Variants in GAB4 observed in about 807,000 individuals in gnomAD.
The protein encoded by GAB4 is GRB2 associated binding protein family member 4.
In GAB4, 26 loss-of-function variants were observed where a neutral mutation model predicts 51.3. The observed-to-expected ratio is 0.51, with a 90% CI of 0.37 to 0.70. GAB4 has a LOEUF of 0.70. GAB4 is among the 30% of genes least tolerant of loss of function. GAB4 has a pLI of 0.00. For missense variants in GAB4, 759 were observed against 734.6 expected, an observed-to-expected ratio of 1.03 and a Z score of -0.38; for synonymous variants, 329 against 291.2, an observed-to-expected ratio of 1.13 and a Z score of -1.32.
chr22:16,979,039 A>C (rs528118377), intron 3 of GAB4, among the ~76,000 whole-genome samples: 4 of 152,350 alleles, frequency 2.6e-5, no homozygotes, highest in African/African-American at 9.6e-5. Context: ...TCTCAAAATA[A>C]TAAGAGCTAT....
chr22:17,000,020 TTC>T (rs1166768417), intron 1 of GAB4, among the ~76,000 whole-genome samples: 6 of 152,240 alleles, frequency 3.9e-5, no homozygotes, highest in African/African-American at 1.4e-4. Context: ...TTGTTATCAT[TTC>T]TGTTTTTCTA....
At chr22:16,972,509 G>GCA (rs2060740522) in intron 3 of GAB4, among the ~76,000 whole-genome samples, 1 of 152,212 alleles carries the variant, frequency 6.6e-6, no homozygotes, top group African/African-American at 2.4e-5. Context: ...GGGATCAAGA[G>GCA]CTTCGGAAGG....
rs1243182518 is a variant in GAB4, at chr22:16,983,922, C to T, written c.686+4038G>A. On this transcript the variant is annotated intron_variant, in intron 3 of 9. Coordinates refer to ENST00000400588, the MANE Select transcript of GAB4 (RefSeq NM_001037814.1). ...ACGTTCTTGAATAGCACCTCAAATGCACAGGTAATCAAAGCAAAAACTGAC... is the reference window on the plus strand; with the variant it reads ...ACGTTCTTGAATAGCACCTCAAATGTACAGGTAATCAAAGCAAAAACTGAC... 3.9e-5 allele frequency among the ~76,000 whole-genome samples: 6 copies of T among 152,226 alleles called. No homozygotes were observed. The South Asian group carries it at 1.2e-3, about 31-fold the overall frequency.
At chr22:16,969,255 C>T (rs11704582) in intron 4 of GAB4, among the ~76,000 whole-genome samples, 3,368 of 152,342 alleles carry the variant, frequency 0.022, 55 homozygotes, top group Middle Eastern at 0.068. Context: ...ACTGGTTTGG[C>T]TCTAGTTTTG....
At chr22:16,989,701 C>T (rs1326386708) in intron 2 of GAB4, among the ~76,000 whole-genome samples, 1 of 152,196 alleles carries the variant, frequency 6.6e-6, no homozygotes, top group Non-Finnish European at 1.5e-5. Context: ...AGGATGAACA[C>T]AGCTGCTGCC....
intron 3 of GAB4, among the ~76,000 whole-genome samples, chr22:16,983,291 A>G (rs1367577746): frequency 2.0e-4 from 30 of 151,444 alleles, no homozygotes; most frequent in Admixed American, 2.0e-3. Flanking sequence ...TCCCACTTTC[A>G]CTCTTAACTT....
In GAB4 at chr22:17,001,231, T is replaced by C. The variant is rs367716965; in HGVS notation, c.174+6710A>G. Reference sequence around the variant, plus strand: ...TTCTCCTGGATAATATCCTGCAGAGTGTTTTCCAACTTGGTTCCATTCTGC... The same window carrying C: ...TTCTCCTGGATAATATCCTGCAGAGCGTTTTCCAACTTGGTTCCATTCTGC... On this transcript the variant is annotated intron_variant, in intron 1 of 9. Transcript: ENST00000400588. Among the ~76,000 whole-genome samples, 11 of 152,342 alleles carry C rather than the reference T, an allele frequency of 7.2e-5. No individual in the cohort carries two copies. In the East Asian group the frequency reaches 2.1e-3, roughly 29 times the overall value.
At chr22:16,965,365 C>T (rs1205425535) in intron 6 of GAB4, 97 bp from the exon 7 acceptor site, 7 of 888,566 alleles carry the variant, frequency 7.9e-6, no homozygotes, top group East Asian at 5.2e-5. Context: ...AGGCCCACCC[C>T]GTCCACCCAG....
intron 1 of GAB4, among the ~76,000 whole-genome samples, chr22:17,001,525 G>C (rs536615594): frequency 2.4e-4 from 36 of 152,214 alleles, no homozygotes; most frequent in African/African-American, 8.2e-4. Flanking sequence ...GTTTATTCTA[G>C]TTAGCTATTT....
At chr22:16,992,750 ACT>A (rs768646600) in intron 1 of GAB4, among the ~76,000 whole-genome samples, 1 of 152,064 alleles carries the variant, frequency 6.6e-6, no homozygotes, top group Non-Finnish European at 1.5e-5. Context: ...ACACAGTCTT[ACT>A]CTGTCACTCA....
At chr22:16,963,107 G>A (rs1448836975) in intron 9 of GAB4, among the ~76,000 whole-genome samples, 1 of 152,196 alleles carries the variant, frequency 6.6e-6, no homozygotes, top group African/African-American at 2.4e-5. Context: ...CTCGCAGGAA[G>A]AGCCAGGCCC....
intron 4 of GAB4, among the ~76,000 whole-genome samples, chr22:16,968,664 C>T (rs1304675599): frequency 6.6e-6 from 1 of 152,180 alleles, no homozygotes; most frequent in Admixed American, 6.5e-5. Context: ...ACCACCCATC[C>T]CTTTCACCCA....
At chr22:16,965,395 G>A (rs2060664536) in intron 6 of GAB4, 127 bp from the exon 7 acceptor site, 1 of 703,004 alleles carries the variant, frequency 1.4e-6, no homozygotes, top group South Asian at 1.6e-5. Flanking sequence ...CTGTGTGCGG[G>A]GGACTGAGGC....
Position 16,968,318 on chromosome 22 carries a change from C to T in GAB4, c.1003G>A (p.Glu335Lys), listed in dbSNP as rs781226560. The T allele has an allele frequency of 7.4e-6, 12 of 1,613,722 alleles. No homozygotes were observed. The highest frequency in any genetic ancestry group is 1.0e-5 in the Non-Finnish European group (12 of 1,179,740). Residue 335 changes from glutamate to lysine, a missense_variant, in exon 5 of 10, where the codon GAG becomes AAG. Physicochemically the swap from Glu to Lys is moderately conservative, Grantham distance 56 (BLOSUM62 1). This residue lies in a region of GAB4 where 588 missense variants were observed against 510.2 expected (regional missense o/e 1.15). Transcript: ENST00000400588. ...CTCACCAGGAAAGAACAGACTCCCTCATGCATGGACTCAGCAGGCCGGCTG... is the reference window on the plus strand; with the variant it reads ...CTCACCAGGAAAGAACAGACTCCCTTATGCATGGACTCAGCAGGCCGGCTG... ...NASRPAESMH[E>K]GVCSFLPGRT...
intron 2 of GAB4, 55 bp from the exon 3 acceptor site, chr22:16,988,222 G>T: frequency 8.4e-7 from 1 of 1,186,994 alleles, no homozygotes; most frequent in Non-Finnish European, 1.3e-6. Flanking sequence ...GCTGCTAGAG[G>T]CAGAAACACA....
At chr22:16,987,216 T>C (rs544215591) in intron 3 of GAB4, among the ~76,000 whole-genome samples, 1 of 152,352 alleles carries the variant, frequency 6.6e-6, no homozygotes, top group East Asian at 1.9e-4. Context: ...GACTGTGATC[T>C]GTGTGCCACA....
chr22:17,006,887 A>G (rs192791838), intron 1 of GAB4, among the ~76,000 whole-genome samples: 1 of 152,320 alleles, frequency 6.6e-6, no homozygotes, highest in Admixed American at 6.5e-5. Context: ...GGATAGCATT[A>G]CGAGAAATAC....
intron 1 of GAB4, among the ~76,000 whole-genome samples, chr22:17,007,027 G>A (rs1337596020): frequency 6.6e-6 from 1 of 151,978 alleles, no homozygotes; most frequent in Non-Finnish European, 1.5e-5. Context: ...AAAAGAAATG[G>A]AGAAAGACAA....
intron 1 of GAB4, among the ~76,000 whole-genome samples, chr22:16,992,596 G>C (rs2060922922): frequency 6.6e-6 from 1 of 152,222 alleles, no homozygotes; most frequent in Non-Finnish European, 1.5e-5. Context: ...AGCAGTAGCA[G>C]TAAACAAGTA....
Sources: gnomAD v4.1 joint callset for allele counts (sites outside exome capture counted in the v4.1 genomes callset) on GRCh38, gnomAD v4.1.1 for gene constraint, gnomAD v4.1.1 regional missense constraint, MANE v1.5 for transcripts, NCBI Gene and HGNC (gene_info 2026-07-23, HGNC 2026-07-21) for gene names.